PCDHGA3: variants seen among roughly 807,000 people sequenced by gnomAD.
PCDHGA3 encodes protocadherin gamma-A3.
Under a neutral mutation model 58.5 loss-of-function variants are expected in PCDHGA3, and 40 were observed. The observed-to-expected ratio is 0.68, with a 90% confidence interval of 0.53 to 0.89. The LOEUF is 0.89. PCDHGA3 is among the 40% of genes least tolerant of loss of function. The probability of loss-of-function intolerance (pLI) is 0.00; values close to 1 mark genes in which losing one functional copy is unlikely to be tolerated. For synonymous variants in PCDHGA3, 530 were observed against 525.7 expected (o/e 1.01, Z -0.11); for missense variants, 1,223 against 1,195.9 (o/e 1.02, Z -0.33).
chr5:141,417,663 C>T (rs2096144136), intron 1 of PCDHGA3: 8 of 901,900 alleles, frequency 8.9e-6, no homozygotes, highest in Non-Finnish European at 1.3e-5. Flanking sequence ...CCTGGGATTC[C>T]CTGCGCAGCC....
chr5:141,352,107 G>T (rs754148272), intron 1 of PCDHGA3: 1 of 1,607,214 alleles, frequency 6.2e-7, no homozygotes, highest in Non-Finnish European at 8.5e-7. Context: ...TTCAGCCTGG[G>T]GTTGCGCACG....
chr5:141,356,659 AT>A, intron 1 of PCDHGA3: 1 of 1,614,050 alleles, frequency 6.2e-7, no homozygotes, highest in Non-Finnish European at 8.5e-7. Context: ...CAATGCCCGA[AT>A]CACTTACTCC....
intron 1 of PCDHGA3, chr5:141,421,455 C>G (rs762490406): frequency 6.2e-6 from 10 of 1,614,108 alleles, no homozygotes; most frequent in South Asian, 1.1e-5. Flanking sequence ...CACAGCTTTT[C>G]GCTGTGAATC....
chr5:141,490,331 C>G lies in PCDHGA3; in HGVS notation c.2425-4476C>G. 6.2e-7 allele frequency: 1 copy of G among 1,614,214 alleles called. No individual in the cohort carries two copies. The highest frequency in any genetic ancestry group is 1.1e-5 in the South Asian group (1 of 91,086). The stretch of plus-strand genomic sequence containing the variant: ...GCCAACCCTGTCCTAGAGAGCACAC[C>G]AGTGGGCACAGTAGTGGGGTTGTTT... On this transcript the variant is annotated intron_variant, in intron 1 of 3. Transcript: ENST00000253812. This position sits in a 1 kb window ranked among gnomAD's most constrained non-coding sequence, Gnocchi z 5.4.
intron 1 of PCDHGA3, among the ~76,000 whole-genome samples, chr5:141,436,701 A>C (rs571525375): frequency 6.9e-4 from 105 of 152,332 alleles, no homozygotes; most frequent in Non-Finnish European, 9.4e-4. Context: ...ATGCCAGCAC[A>C]CTCGATGTTC....
At chr5:141,372,628 A>G (rs1561557041) in intron 1 of PCDHGA3, 5 of 1,614,014 alleles carry the variant, frequency 3.1e-6, no homozygotes, top group Non-Finnish European at 4.2e-6. Flanking sequence ...ACCTACAGCG[A>G]AAGGACTTTG....
At chr5:141,484,437 T>C (rs2099596528) in intron 1 of PCDHGA3, among the ~76,000 whole-genome samples, 1 of 152,232 alleles carries the variant, frequency 6.6e-6, no homozygotes, top group African/African-American at 2.4e-5. Context: ...ATGTACTGCA[T>C]AAATTTAATT....
chr5:141,371,301 A>G (rs199851082), intron 1 of PCDHGA3: 272 of 1,613,872 alleles, frequency 1.7e-4, no homozygotes, highest in Non-Finnish European at 2.2e-4. Flanking sequence ...GGAACTCACC[A>G]CTATTGGAGA....
At chr5:141,422,465 G>A in intron 1 of PCDHGA3, 1 of 1,613,508 alleles carries the variant, frequency 6.2e-7, no homozygotes, top group Non-Finnish European at 8.5e-7. Flanking sequence ...GTGCTGGACA[G>A]GGAGTTGGTC....
At chr5:141,466,871 T>C (rs1432611218) in intron 1 of PCDHGA3, among the ~76,000 whole-genome samples, 2 of 152,166 alleles carry the variant, frequency 1.3e-5, no homozygotes, top group African/African-American at 4.8e-5. Flanking sequence ...ATCCACACAT[T>C]TTTTTCATAA....
chr5:141,344,996 A>G lies in PCDHGA3; in HGVS notation c.963A>G (p.Ala321=), dbSNP rs774542255. ...DAMFYEIKIE[A]QDGPGLLSRA... is the part of the protein sequence containing the mutation. Reference sequence around the variant, plus strand: ...TGTTCTATGAAATTAAAATTGAAGCACAGGATGGACCAGGTCTTCTTTCAA... The same window carrying G: ...TGTTCTATGAAATTAAAATTGAAGCGCAGGATGGACCAGGTCTTCTTTCAA... Residue 321 remains alanine, a synonymous_variant, in exon 1 of 4, where the codon GCA becomes GCG. Coordinates refer to ENST00000253812, the MANE Select transcript of PCDHGA3 (RefSeq NM_018916.4). 1.2e-6 allele frequency: 2 copies of G among 1,613,974 alleles called. No homozygotes were observed. Among genetic ancestry groups the G allele is most frequent in the Non-Finnish European group, 1.7e-6 (2 of 1,179,876 alleles).
At chr5:141,394,536 G>T in intron 1 of PCDHGA3, 2 of 1,614,188 alleles carry the variant, frequency 1.2e-6, no homozygotes, top group Non-Finnish European at 1.7e-6. Flanking sequence ...TTCCACTGGC[G>T]TGGAGCTGGC....
intron 1 of PCDHGA3, among the ~76,000 whole-genome samples, chr5:141,461,983 C>T (rs1390320490): frequency 6.6e-6 from 1 of 152,192 alleles, no homozygotes. Flanking sequence ...GCCACCACGC[C>T]AGGCTAATTT....
chr5:141,388,930 C>G, intron 1 of PCDHGA3: 1 of 1,614,002 alleles, frequency 6.2e-7, no homozygotes, highest in South Asian at 1.1e-5. Flanking sequence ...ATATTCCAGT[C>G]TCTACCCAAC....
intron 1 of PCDHGA3, chr5:141,402,966 C>T (rs749578447): frequency 6.2e-7 from 1 of 1,606,060 alleles, no homozygotes; most frequent in Non-Finnish European, 8.5e-7. Flanking sequence ...GCAGCTCCAA[C>T]CAAATGCCAG....
At chr5:141,352,044 G>T in intron 1 of PCDHGA3, 1 of 1,608,010 alleles carries the variant, frequency 6.2e-7, no homozygotes, top group Non-Finnish European at 8.5e-7. Context: ...GCAGACTCAG[G>T]ACACAACGCT....
intron 1 of PCDHGA3, among the ~76,000 whole-genome samples, chr5:141,459,838 A>C (rs944807247): frequency 1.3e-5 from 2 of 152,098 alleles, no homozygotes; most frequent in African/African-American, 4.8e-5. Context: ...TGTGTTGTCT[A>C]TTTGTATATC....
intron 1 of PCDHGA3, among the ~76,000 whole-genome samples, chr5:141,397,541 C>G (rs1385892486): frequency 6.6e-6 from 1 of 152,014 alleles, no homozygotes; most frequent in Non-Finnish European, 1.5e-5. Context: ...TTTTTGAAAT[C>G]AGTATAGTAT....
chr5:141,404,116 G>A (rs751598967), intron 1 of PCDHGA3: 1 of 1,613,478 alleles, frequency 6.2e-7, no homozygotes, highest in East Asian at 2.2e-5. Flanking sequence ...CTATCCAGGA[G>A]AATCTATCTT....
Sources: allele counts gnomAD v4.1 joint callset (sites outside exome capture counted in the v4.1 genomes callset), GRCh38; gene constraint gnomAD v4.1.1; non-coding constraint Gnocchi (gnomAD v3.1); transcripts MANE v1.5; gene names NCBI Gene and HGNC (gene_info 2026-07-23, HGNC 2026-07-21).